The following NLRC3 variants were observed in gnomAD, a reference collection of about 807,000 sequenced individuals.
The protein encoded by NLRC3 is NLR family CARD domain-containing protein 3.
In NLRC3, 87 loss-of-function variants were observed where a neutral mutation model predicts 91.6. The observed-to-expected ratio is 0.95, with a 90% confidence interval of 0.80 to 1.14. The LOEUF (loss-of-function observed/expected upper bound fraction) is 1.14. NLRC3 is among the 50% of genes most tolerant of loss of function. The pLI, the probability that NLRC3 is intolerant of heterozygous loss-of-function variation, is 0.00. For synonymous variants in NLRC3, 694 were observed against 625.3 expected (o/e 1.11, Z -1.64); for missense variants, 1,577 against 1,418.6 (o/e 1.11, Z -1.79).
chr16:3,577,339 C>T lies in NLRC3; in HGVS notation c.-359G>A, dbSNP rs1287167078. 3.1e-6 allele frequency: 2 copies of T among 639,970 alleles called. No homozygotes were observed. The highest frequency in any genetic ancestry group is 3.6e-5 in the African/African-American group (2 of 55,824). The allele number at this position is 639,970 out of a possible 1,614,324, so 39.6% of individuals were successfully genotyped here. Reference sequence around the variant, plus strand: ...CGCCAACCAACCAACCGTGTGGGGGCCGAGAGCAGTGCAGCCCCGACCTTC... The same window carrying T: ...CGCCAACCAACCAACCGTGTGGGGGTCGAGAGCAGTGCAGCCCCGACCTTC... On this transcript the variant is annotated 5_prime_UTR_variant, in exon 1 of 20. Transcript: ENST00000359128.
At chr16:3,570,481 T>C (rs1255876716) in intron 1 of NLRC3, among the ~76,000 whole-genome samples, 2 of 151,924 alleles carry the variant, frequency 1.3e-5, no homozygotes, top group Non-Finnish European at 2.9e-5. Context: ...ATAATGGCAA[T>C]GGAAAGGAAA....
intron 8 of NLRC3, among the ~76,000 whole-genome samples, chr16:3,556,459 A>T (rs557074355): frequency 6.6e-6 from 1 of 151,506 alleles, no homozygotes; most frequent in East Asian, 1.9e-4. Context: ...AGGGCATAAG[A>T]TCCCCAGTAC....
intron 9 of NLRC3, among the ~76,000 whole-genome samples, chr16:3,553,382 T>C (rs538346365): frequency 6.6e-6 from 1 of 152,366 alleles, no homozygotes; most frequent in South Asian, 2.1e-4. Flanking sequence ...GGAATTAGGC[T>C]AGGTATCTGG....
At chr16:3,575,146 C>T (rs757819590) in intron 1 of NLRC3, among the ~76,000 whole-genome samples, 4 of 152,182 alleles carry the variant, frequency 2.6e-5, no homozygotes, top group Admixed American at 6.5e-5. Flanking sequence ...CCCATTCAGA[C>T]GAAACGTGGC....
At position 3,539,378 on chromosome 16, in the gene NLRC3, TG is replaced by T. The variant is rs1222976167; in HGVS notation, c.*2446del. 2.6e-5 allele frequency: 4 copies of T among 152,354 alleles called. No homozygotes were observed. Among genetic ancestry groups the T allele is most frequent in the African/African-American group, 7.2e-5 (3 of 41,456 alleles). 9.4% of individuals were successfully genotyped at this position (152,354 alleles called of 1,614,324 possible). ...TTGTCTGTTTTGCTCTGATGGGGTCTGTGTGGGCTAGCTGGCTCTGGTGTGT... is the reference window on the plus strand; with the variant it reads ...TTGTCTGTTTTGCTCTGATGGGGTCTTGTGGGCTAGCTGGCTCTGGTGTGT... On this transcript the variant is annotated 3_prime_UTR_variant, in exon 20 of 20. Coordinates refer to ENST00000359128, the MANE Select transcript of NLRC3 (RefSeq NM_178844.4).
At chr16:3,559,457 T>C (rs1429882491) in intron 6 of NLRC3, among the ~76,000 whole-genome samples, 1 of 152,124 alleles carries the variant, frequency 6.6e-6, no homozygotes, top group South Asian at 2.1e-4. Flanking sequence ...ACCTTCCAGA[T>C]TGCTAGGATT....
Position 3,549,766 on chromosome 16 carries a change from G to C in NLRC3, c.2450C>G (p.Ser817Cys). The change falls in exon 12 of 20, where the codon TCC becomes TGC. Residue 817 changes from serine (S) to cysteine (C), a missense_variant. Transcript: ENST00000359128. ...TGCTGCCACTCCTGCGTCACTGATG[G>C]AATTGCTCTGCAGGCTGCGGAAAGA... The part of the protein sequence containing the change: ...GLESLDLQSN[S>C]ISDAGVAALM... 6.4e-7 allele frequency: 1 copy of C among 1,550,778 alleles called. No individual in the cohort carries two copies. Among genetic ancestry groups the C allele is most frequent in the Non-Finnish European group, 8.7e-7 (1 of 1,146,822 alleles).
In NLRC3 at chr16:3,556,152, A is replaced by C. The variant is rs150109530; in HGVS notation, c.2183+759T>G. Among the ~76,000 whole-genome samples, 1,180 of 149,676 alleles carry C rather than the reference A, an allele frequency of 7.9e-3. 12 individuals are homozygous for C. The highest frequency in any genetic ancestry group is 0.027 in the South Asian group (126 of 4,724). Reference sequence around the variant, plus strand: ...GAGACCAGCCTGGTCAAAATGGTGAAAGCTCGTCTCTACTAAAAATACAAA... The same window carrying C: ...GAGACCAGCCTGGTCAAAATGGTGACAGCTCGTCTCTACTAAAAATACAAA... On this transcript the variant is annotated intron_variant, in intron 8 of 19. Coordinates refer to ENST00000359128, the MANE Select transcript of NLRC3 (RefSeq NM_178844.4).
chr16:3,575,401 C>G (rs1263099379), intron 1 of NLRC3, among the ~76,000 whole-genome samples: 2 of 152,204 alleles, frequency 1.3e-5, no homozygotes, highest in Non-Finnish European at 2.9e-5. Context: ...GGTCAGGCGG[C>G]CCCTGTGAGC....
chr16:3,557,538 T>C (rs111342113), intron 7 of NLRC3, 55 bp downstream of exon 7: 3 of 1,151,274 alleles, frequency 2.6e-6, no homozygotes, highest in African/African-American at 3.0e-5. Context: ...ACAAGATGCC[T>C]CACAACTCTT....
At position 3,548,784 on chromosome 16, in the gene NLRC3, C is replaced by G. The variant is rs368841265; in HGVS notation, c.2604-31G>C. On this transcript the variant is annotated intron_variant, in intron 13 of 19. Transcript: ENST00000359128. ...AGGAAGGGAACAGGAGCAAGTGAGCCGGGGGCCGGCTGTGAAGCCTCCGGT... is the reference window on the plus strand; with the variant it reads ...AGGAAGGGAACAGGAGCAAGTGAGCGGGGGGCCGGCTGTGAAGCCTCCGGT... The G allele has an allele frequency of 5.3e-6, 8 of 1,500,428 alleles. No individual in the cohort carries two copies. In the Middle Eastern group the frequency reaches 1.2e-3, roughly 228 times the overall value. 92.9% of individuals were successfully genotyped at this position (1,500,428 alleles called of 1,614,324 possible). A position where few individuals can be genotyped will look rare whatever the true frequency, so the allele number is the denominator to read the frequency against.
Position 3,563,444 on chromosome 16 carries a change from G to T in NLRC3, c.1493C>A (p.Ala498Glu). The part of the protein sequence containing the change: ...RLGFLTHFRS[A>E]AQRAMQAEDG... The stretch of plus-strand genomic sequence containing the variant: ...CTCTGCCTGCATGGCCCGCTGGGCT[G>T]CGCTCCTGAAATGCGTGAGGAAGCC... Residue 498 changes from alanine (A) to glutamate (E), a missense_variant, in exon 5 of 20, where the codon GCA becomes GAA. Coordinates refer to ENST00000359128, the MANE Select transcript of NLRC3 (RefSeq NM_178844.4). 3.2e-6 allele frequency: 5 copies of T among 1,577,854 alleles called. No homozygotes were observed. Among genetic ancestry groups the T allele is most frequent in the Non-Finnish European group, 4.3e-6 (5 of 1,162,358 alleles).
At chr16:3,541,979 AC>A in intron 19 of NLRC3, 64 bp from the exon 20 acceptor site, 1 of 995,428 alleles carries the variant, frequency 1.0e-6, no homozygotes, top group Non-Finnish European at 1.6e-6. Flanking sequence ...AGCAGGCCAT[AC>A]AATAGAAAAT....
At chr16:3,544,162 GAA>G (rs60164526) in intron 16 of NLRC3, 82 bp downstream of exon 16, 25,172 of 645,134 alleles carry the variant, frequency 0.039, 1 homozygote, top group South Asian at 0.052. Flanking sequence ...TTGTCTCGAG[GAA>G]AAAAAAAAAA....
chr16:3,577,117 C>T lies in NLRC3; in HGVS notation c.-169+32G>A, dbSNP rs192611308. On this transcript the variant is annotated intron_variant, in intron 1 of 19. Transcript: ENST00000359128. The stretch of plus-strand genomic sequence containing the variant: ...GCCAGCATCCCTTCTCCCTCCCCTG[C>T]CCTGCACTGAGGTCACCTGGACCCA... 349 of 703,146 alleles carry T rather than the reference C, an allele frequency of 5.0e-4. 2 individuals carry two copies. In the African/African-American group the frequency reaches 5.4e-3, roughly 11 times the overall value. The allele number at this position is 703,146 out of a possible 1,614,324, so 43.6% of individuals were successfully genotyped here. A position where few individuals can be genotyped will look rare whatever the true frequency, so the allele number is the denominator to read the frequency against.
intron 19 of NLRC3, 109 bp downstream of exon 19, chr16:3,542,082 T>C: frequency 1.1e-6 from 1 of 872,798 alleles, no homozygotes; most frequent in South Asian, 1.4e-5. Context: ...GGTTTCCCTA[T>C]AGGCCTGCTG....
At chr16:3,561,398 G>A (rs1346412039) in intron 6 of NLRC3, among the ~76,000 whole-genome samples, 1 of 152,192 alleles carries the variant, frequency 6.6e-6, no homozygotes, top group Non-Finnish European at 1.5e-5. Context: ...CAAACTTGGA[G>A]AGGTGCTTAG....
rs1411729462 is a variant in NLRC3, at chr16:3,541,652, AGAG to A, written c.*170_*172del. The A allele has an allele frequency of 1.3e-5, 8 of 605,238 alleles. No homozygotes were observed. The highest frequency in any genetic ancestry group is 1.1e-4 in the African/African-American group (6 of 53,950). 37.5% of individuals were successfully genotyped at this position (605,238 alleles called of 1,614,324 possible). A position where few individuals can be genotyped will look rare whatever the true frequency, so the allele number is the denominator to read the frequency against. On this transcript the variant is annotated 3_prime_UTR_variant, in exon 20 of 20. Transcript: ENST00000359128. ...CTGCCTGGACCACTCCTGCAGCAGA[AGAG>A]GAGCTCACGACCTCCTCCGGCAGCA... is the stretch of plus-strand genomic sequence containing the variant.
In NLRC3 at chr16:3,542,742, G is replaced by A; in HGVS notation, c.2973C>T (p.Ala991=). The part of the protein sequence containing the change: ...LRGNAIGVAG[A]KALANALKVN... The stretch of plus-strand genomic sequence containing the variant: ...CCTTCAGAGCATTTGCCAGGGCTTT[G>A]GCTCCAGCCACCCCAATGGCATTTC... Residue 991 remains alanine, a synonymous_variant, in exon 18 of 20, where the codon GCC becomes GCT. Transcript: ENST00000359128. The A allele has an allele frequency of 1.9e-6, 3 of 1,610,230 alleles. No individual in the cohort carries two copies. The South Asian group carries it at 3.3e-5, about 18-fold the overall frequency.
Sources: allele counts gnomAD v4.1 joint callset (sites outside exome capture counted in the v4.1 genomes callset), GRCh38; gene constraint gnomAD v4.1.1; transcripts MANE v1.5; gene names NCBI Gene and HGNC (gene_info 2026-07-23, HGNC 2026-07-21).